The following IMMP2L variants were observed in gnomAD, a reference collection of about 807,000 sequenced individuals.
IMMP2L encodes inner mitochondrial membrane peptidase subunit 2.
In IMMP2L, 18 loss-of-function variants were observed where a neutral mutation model predicts 19.3. That is an observed-to-expected ratio of 0.93 (90% CI 0.64 to 1.38). The LOEUF (loss-of-function observed/expected upper bound fraction) is 1.38, where lower values mean the gene tolerates loss of function less well. Among genes scored for constraint, IMMP2L ranks in the 40% most tolerant of loss-of-function variants. The probability of loss-of-function intolerance (pLI) is 0.00; values close to 1 mark genes in which losing one functional copy is unlikely to be tolerated. For synonymous variants in IMMP2L, 76 were observed against 73.0 expected (o/e 1.04, Z -0.21); for missense variants, 233 against 218.2 (o/e 1.07, Z -0.43).
intron 1 of IMMP2L, among the ~76,000 whole-genome samples, chr7:111,541,108 T>G (rs1317222252): frequency 6.6e-6 from 1 of 152,168 alleles, no homozygotes; most frequent in African/African-American, 2.4e-5. Context: ...TGACCTTAGC[T>G]CCAATTATCT....
At chr7:111,186,075 T>C (rs1808233763) in intron 3 of IMMP2L, among the ~76,000 whole-genome samples, 1 of 152,176 alleles carries the variant, frequency 6.6e-6, no homozygotes, top group Admixed American at 6.5e-5. Context: ...TTTAAAGTAT[T>C]TTGCTAAATG....
chr7:111,443,800 T>C (rs1322776659), intron 3 of IMMP2L, among the ~76,000 whole-genome samples: 5 of 152,148 alleles, frequency 3.3e-5, no homozygotes, highest in Non-Finnish European at 7.4e-5. Context: ...CTTAGTGTAT[T>C]TTCAATTTTT....
chr7:111,459,387 G>C (rs1839946875), intron 3 of IMMP2L, among the ~76,000 whole-genome samples: 1 of 152,050 alleles, frequency 6.6e-6, no homozygotes, highest in Non-Finnish European at 1.5e-5. Flanking sequence ...CTTGTCCCTT[G>C]TGCATATGAT....
At chr7:111,339,834 C>T (rs1342121290) in intron 3 of IMMP2L, among the ~76,000 whole-genome samples, 1 of 151,900 alleles carries the variant, frequency 6.6e-6, no homozygotes, top group Non-Finnish European at 1.5e-5. Flanking sequence ...CTTCCAAACA[C>T]CATACTGAAA....
intron 1 of IMMP2L, among the ~76,000 whole-genome samples, chr7:111,536,891 T>C (rs932278591): frequency 6.6e-6 from 1 of 152,096 alleles, no homozygotes; most frequent in African/African-American, 2.4e-5. Context: ...TTATCATTAG[T>C]AGTACTATTA....
intron 3 of IMMP2L, among the ~76,000 whole-genome samples, chr7:111,251,450 C>T (rs1417599951): frequency 6.6e-6 from 1 of 152,084 alleles, no homozygotes; most frequent in Non-Finnish European, 1.5e-5. Flanking sequence ...GATACTTGCG[C>T]ACATATGTTC....
rs1169450523 is a variant in IMMP2L at position 111,214,331 on chromosome 7, C to CTTTTTTTTTTTTTTTTTTTTTTTT, written c.240-250790_240-250767dup. On this transcript the variant is annotated intron_variant, in intron 3 of 5. Coordinates refer to ENST00000405709, the MANE Select transcript of IMMP2L (RefSeq NM_032549.4). ...AATGAATGACAAAGTAATTTTTCTT[C>CTTTTTTTTTTTTTTTTTTTTTTTT]TTTTTTTTTTTTTTTTTTTTTTTTT... Among the ~76,000 whole-genome samples, 2 of 82,194 alleles carry CTTTTTTTTTTTTTTTTTTTTTTTT rather than the reference C, an allele frequency of 2.4e-5. 1 individual carries two copies. 53.9% of individuals were successfully genotyped at this position (82,194 alleles called of 152,430 possible).
At chr7:110,777,447 T>C (rs1332437306) in intron 5 of IMMP2L, among the ~76,000 whole-genome samples, 1 of 151,948 alleles carries the variant, frequency 6.6e-6, no homozygotes, top group Admixed American at 6.6e-5. Flanking sequence ...TACAGTAATA[T>C]TTTTCCCTAC....
intron 3 of IMMP2L, chr7:111,122,706 T>G: frequency 8.1e-7 from 1 of 1,235,332 alleles, no homozygotes; most frequent in Non-Finnish European, 1.1e-6. Flanking sequence ...TCAGCTCCTA[T>G]TGAACTTACT....
intron 3 of IMMP2L, among the ~76,000 whole-genome samples, chr7:111,280,872 A>G (rs1819617139): frequency 6.6e-6 from 1 of 152,104 alleles, no homozygotes; most frequent in African/African-American, 2.4e-5. Flanking sequence ...GATCGAGACC[A>G]TCCTGTCTAA....
chr7:110,784,086 GC>G (rs1425639160), intron 5 of IMMP2L, among the ~76,000 whole-genome samples: 2 of 151,808 alleles, frequency 1.3e-5, no homozygotes, highest in African/African-American at 4.8e-5. Flanking sequence ...TCTCCAATTT[GC>G]CCTTCCTTTG....
chr7:111,114,603 G>A (rs1439012892), intron 3 of IMMP2L, among the ~76,000 whole-genome samples: 2 of 151,892 alleles, frequency 1.3e-5, no homozygotes, highest in Middle Eastern at 3.4e-3. Context: ...GGGTGTGGTG[G>A]CAGGTGCCTG....
chr7:111,269,263 C>T (rs533095957), intron 3 of IMMP2L, among the ~76,000 whole-genome samples: 1 of 152,272 alleles, frequency 6.6e-6, no homozygotes, highest in East Asian at 1.9e-4. Flanking sequence ...CAGTCTTTTT[C>T]ATATTATTAT....
intron 3 of IMMP2L, among the ~76,000 whole-genome samples, chr7:111,274,610 A>C (rs1818820457): frequency 6.6e-6 from 1 of 152,214 alleles, no homozygotes; most frequent in Non-Finnish European, 1.5e-5. Flanking sequence ...GTTCTTAACA[A>C]GCATACTAAA....
At chr7:111,119,739 C>A (rs2129587178) in intron 3 of IMMP2L, among the ~76,000 whole-genome samples, 1 of 152,262 alleles carries the variant, frequency 6.6e-6, no homozygotes, top group African/African-American at 2.4e-5. Flanking sequence ...TGAGCACATA[C>A]TACATTATAA....
chr7:110,667,310 T>C (rs1010952705), intron 5 of IMMP2L, among the ~76,000 whole-genome samples: 4 of 152,236 alleles, frequency 2.6e-5, no homozygotes, highest in South Asian at 2.1e-4. Flanking sequence ...TTTGAATATA[T>C]ATAAATTTAC....
At chr7:111,295,983 GTT>G (rs1483034526) in intron 3 of IMMP2L, among the ~76,000 whole-genome samples, 30 of 68,718 alleles carry the variant, frequency 4.4e-4, no homozygotes, top group African/African-American at 4.3e-3. Flanking sequence ...TAGAAAGAAT[GTT>G]AAAAAAAAAA....
intron 3 of IMMP2L, among the ~76,000 whole-genome samples, chr7:111,058,961 C>T (rs1016650290): frequency 1.3e-5 from 2 of 151,866 alleles, no homozygotes; most frequent in African/African-American, 4.8e-5. Flanking sequence ...TTTCTCACAT[C>T]TCTTTTTTTT....
At chr7:111,493,488 G>A (rs1213804043) in intron 2 of IMMP2L, among the ~76,000 whole-genome samples, 1 of 151,886 alleles carries the variant, frequency 6.6e-6, no homozygotes, top group African/African-American at 2.4e-5. Context: ...GGATCACGAG[G>A]TCAGGAGATC....
Sources: allele counts gnomAD v4.1 joint callset (sites outside exome capture counted in the v4.1 genomes callset), GRCh38; gene constraint gnomAD v4.1.1; transcripts MANE v1.5; gene names NCBI Gene and HGNC (gene_info 2026-07-23, HGNC 2026-07-21).